The following ESRRB variants were observed in gnomAD, a reference collection of about 807,000 sequenced individuals.
The protein encoded by ESRRB is estrogen related receptor beta, also known as steroid hormone receptor ERR2.
Under a neutral mutation model 46.0 loss-of-function variants are expected in ESRRB, and 16 were observed. The ratio of observed to expected loss-of-function variants is 0.35; its 90% CI spans 0.24 to 0.53. The LOEUF is 0.53. Among genes scored for constraint, ESRRB ranks in the 20% least tolerant of loss-of-function variants. The pLI is 0.93. For missense variants in ESRRB, 488 were observed against 607.4 expected (o/e 0.80, Z 2.07); for synonymous variants, 246 against 259.6 (o/e 0.95, Z 0.50).
intron 1 of ESRRB, among the ~76,000 whole-genome samples, chr14:76,349,862 G>C (rs757719801): frequency 6.6e-6 from 1 of 152,158 alleles, no homozygotes; most frequent in Non-Finnish European, 1.5e-5. Flanking sequence ...AAGAGCCTTT[G>C]CAGCTAGGAA....
chr14:76,458,908 G>A (rs988965432), intron 2 of ESRRB, among the ~76,000 whole-genome samples: 8 of 148,602 alleles, frequency 5.4e-5, no homozygotes, highest in Admixed American at 1.4e-4. Context: ...GCAGTGGCGC[G>A]ATCTCGGCTC....
intron 1 of ESRRB, among the ~76,000 whole-genome samples, chr14:76,349,303 G>T (rs1016925043): frequency 2.6e-5 from 4 of 152,200 alleles, no homozygotes; most frequent in Non-Finnish European, 5.9e-5. Context: ...GCAAAGCGGG[G>T]ATCACGAAAG....
chr14:76,420,845 G>A (rs1287935311), intron 1 of ESRRB, among the ~76,000 whole-genome samples: 1 of 152,116 alleles, frequency 6.6e-6, no homozygotes, highest in Non-Finnish European at 1.5e-5. Context: ...AGAGCTTGCA[G>A]ACCACCCTCA....
chr14:76,483,522 C>A (rs575400917), intron 5 of ESRRB, among the ~76,000 whole-genome samples: 2 of 152,180 alleles, frequency 1.3e-5, no homozygotes, highest in East Asian at 3.9e-4. Flanking sequence ...TGTGTGGACC[C>A]AAACCCTGCT....
At chr14:76,347,267 T>C (rs76613887) in intron 1 of ESRRB, among the ~76,000 whole-genome samples, 1 of 152,264 alleles carries the variant, frequency 6.6e-6, no homozygotes, top group Non-Finnish European at 1.5e-5. Flanking sequence ...TGGGAAAAGA[T>C]TACTATTGTG....
chr14:76,478,243 G>C (rs1202187386), intron 3 of ESRRB, among the ~76,000 whole-genome samples: 1 of 152,114 alleles, frequency 6.6e-6, no homozygotes, highest in Non-Finnish European at 1.5e-5. Context: ...GTGTGCTCTG[G>C]GAGCCCATGA....
intron 1 of ESRRB, among the ~76,000 whole-genome samples, chr14:76,338,165 T>TA (rs1884150482): frequency 6.6e-6 from 1 of 152,202 alleles, no homozygotes; most frequent in Non-Finnish European, 1.5e-5. Flanking sequence ...AGAAACGCAT[T>TA]AAAAAGGGTT....
At chr14:76,346,769 C>T (rs192556044) in intron 1 of ESRRB, among the ~76,000 whole-genome samples, 1 of 152,350 alleles carries the variant, frequency 6.6e-6, no homozygotes, top group Non-Finnish European at 1.5e-5. Context: ...AGCCAGAGTC[C>T]TGCAAGGTCT....
intron 5 of ESRRB, among the ~76,000 whole-genome samples, chr14:76,489,389 T>C (rs1298088444): frequency 1.4e-5 from 2 of 143,682 alleles, no homozygotes; most frequent in Non-Finnish European, 3.0e-5. Context: ...ACCTCCCAGC[T>C]CCCCCGGCCA....
chr14:76,495,812 T>C (rs576123465), intron 6 of ESRRB, among the ~76,000 whole-genome samples: 1 of 152,338 alleles, frequency 6.6e-6, no homozygotes, highest in East Asian at 1.9e-4. Context: ...TTTAAATTTT[T>C]ATATATAACA....
chr14:76,329,826 C>T (rs1290066096), intron 1 of ESRRB, among the ~76,000 whole-genome samples: 1 of 152,150 alleles, frequency 6.6e-6, no homozygotes, highest in Non-Finnish European at 1.5e-5. Context: ...AAAGCGGCCC[C>T]AAAAGCCTGT....
chr14:76,470,985 T>A (rs1889356123), intron 3 of ESRRB, among the ~76,000 whole-genome samples: 1 of 152,226 alleles, frequency 6.6e-6, no homozygotes, highest in Non-Finnish European at 1.5e-5. Flanking sequence ...GACCTGAATA[T>A]CTAACCACAC....
At chr14:76,424,028 A>G (rs1481040762) in intron 1 of ESRRB, among the ~76,000 whole-genome samples, 1 of 152,154 alleles carries the variant, frequency 6.6e-6, no homozygotes, top group Non-Finnish European at 1.5e-5. Context: ...ACACCCCTTC[A>G]TGATGTAACT....
At chr14:76,422,425 A>G (rs1887007517) in intron 1 of ESRRB, among the ~76,000 whole-genome samples, 1 of 151,676 alleles carries the variant, frequency 6.6e-6, no homozygotes, top group African/African-American at 2.4e-5. Flanking sequence ...GTTGGCCAGG[A>G]TGGTCTCGAT....
At chr14:76,342,685 G>A (rs2139752610) in intron 1 of ESRRB, among the ~76,000 whole-genome samples, 2 of 152,334 alleles carry the variant, frequency 1.3e-5, no homozygotes, top group South Asian at 2.1e-4. Context: ...TGTAAAGTGG[G>A]AATAGTAAGG....
At chr14:76,495,224 C>T (rs1890378497) in intron 6 of ESRRB, 1 of 151,980 alleles carries the variant, frequency 6.6e-6, no homozygotes, top group South Asian at 2.1e-4. Context: ...CTTCTGTTGG[C>T]ATCAACAGAA....
At chr14:76,447,364 CT>C (rs1463904008) in intron 2 of ESRRB, among the ~76,000 whole-genome samples, 1 of 151,318 alleles carries the variant, frequency 6.6e-6, no homozygotes, top group Non-Finnish European at 1.5e-5. Flanking sequence ...TCTCCTCTAC[CT>C]TCAGCTTCCT....
intron 1 of ESRRB, among the ~76,000 whole-genome samples, chr14:76,358,459 G>T (rs965805524): frequency 2.0e-5 from 3 of 150,694 alleles, no homozygotes; most frequent in Non-Finnish European, 4.4e-5. Flanking sequence ...GCAGGGGTGG[G>T]ATTAGGAGGA....
chr14:76,410,820 G>A (rs1490151058), intron 1 of ESRRB, among the ~76,000 whole-genome samples: 4 of 151,522 alleles, frequency 2.6e-5, no homozygotes, highest in Admixed American at 2.6e-4. Flanking sequence ...GTCTCTCTCT[G>A]TCACCCAGAC....
Sources: allele counts gnomAD v4.1 joint callset (sites outside exome capture counted in the v4.1 genomes callset), GRCh38; gene constraint gnomAD v4.1.1; transcripts MANE v1.5; gene names NCBI Gene and HGNC (gene_info 2026-07-23, HGNC 2026-07-21).